Variants in CLINT1 observed in about 807,000 individuals in gnomAD.
CLINT1 encodes clathrin interactor 1, also known as clathrin interacting protein localized in the trans-Golgi region.
CLINT1 carries 15 observed loss-of-function variants against 70.4 expected under a neutral mutation model. The ratio of observed to expected loss-of-function variants is 0.21; its 90% CI spans 0.14 to 0.33. The LOEUF (loss-of-function observed/expected upper bound fraction) is 0.33, where lower values mean the gene tolerates loss of function less well. CLINT1 is among the 10% of genes least tolerant of loss of function. The pLI is 1.00. For synonymous variants in CLINT1, 227 were observed against 254.7 expected (o/e 0.89, Z 1.04); for missense variants, 615 against 778.1 (o/e 0.79, Z 2.49).
chr5:157,789,676 T>G (rs909440253), intron 10 of CLINT1, 163 bp from the exon 11 acceptor site: 185 of 869,582 alleles, frequency 2.1e-4, no homozygotes, highest in Non-Finnish European at 1.1e-4. Flanking sequence ...ACCACTAATG[T>G]TCTATGCTAA....
chr5:157,814,232 C>A lies in CLINT1; in HGVS notation c.305G>T (p.Arg102Ile). 1 of 1,611,022 alleles carries A rather than the reference C, an allele frequency of 6.2e-7. No individual in the cohort carries two copies. Among genetic ancestry groups the A allele is most frequent in the Non-Finnish European group, 8.5e-7 (1 of 1,178,708 alleles). ...GGATCGTAAATCATAAATGTGTTCT[C>A]TGGCACTTGTAACAACACGCTCTGA... ...NGSERVVTSA[R>I]EHIYDLRSLE... The change falls in exon 4 of 12, where the codon AGA (arginine) becomes ATA (isoleucine). Residue 102 changes from arginine to isoleucine, a missense_variant. Coordinates refer to ENST00000411809, the MANE Select transcript of CLINT1 (RefSeq NM_014666.4).
chr5:157,788,405 A>G (rs900943063), intron 11 of CLINT1, among the ~76,000 whole-genome samples: 2 of 152,340 alleles, frequency 1.3e-5, no homozygotes, highest in East Asian at 3.9e-4. Flanking sequence ...AAAATCTTTA[A>G]AAAGTTTATA....
intron 1 of CLINT1, among the ~76,000 whole-genome samples, chr5:157,824,761 C>T (rs148992400): frequency 1.3e-5 from 2 of 152,230 alleles, no homozygotes; most frequent in East Asian, 3.9e-4. Context: ...CTCCAAATCC[C>T]ACAACTAGTA....
chr5:157,805,765 T>C lies in CLINT1; in HGVS notation c.942+101A>G, dbSNP rs1462573478. ...TACATGCCAGATGATCCATAATTAA[T>C]ATGATTGCCTAGAAATGCCCAAGCC... On this transcript the variant is annotated intron_variant, in intron 7 of 11. Coordinates refer to ENST00000411809, the MANE Select transcript of CLINT1 (RefSeq NM_014666.4). 7.2e-6 allele frequency: 10 copies of C among 1,390,148 alleles called. No homozygotes were observed. In the East Asian group the frequency reaches 2.4e-4, roughly 33 times the overall value. The allele number at this position is 1,390,148 out of a possible 1,614,324, so 86.1% of individuals were successfully genotyped here. A position where few individuals can be genotyped will look rare whatever the true frequency, so the allele number is the denominator to read the frequency against.
chr5:157,817,925 T>C (rs1762769897), intron 1 of CLINT1, among the ~76,000 whole-genome samples: 2 of 152,244 alleles, frequency 1.3e-5, no homozygotes, highest in African/African-American at 4.8e-5. Context: ...CAATGCAGGC[T>C]TATGTTTCCT....
intron 8 of CLINT1, among the ~76,000 whole-genome samples, chr5:157,798,605 G>T (rs886237727): frequency 1.3e-5 from 2 of 151,876 alleles, no homozygotes; most frequent in East Asian, 1.9e-4. Flanking sequence ...ACATGACAAA[G>T]AATTATTATC....
At chr5:157,789,601 A>T in intron 10 of CLINT1, 88 bp from the exon 11 acceptor site, 4 of 1,564,298 alleles carry the variant, frequency 2.6e-6, no homozygotes, top group Non-Finnish European at 3.5e-6. Context: ...AAAATTAAGC[A>T]TCTGTTCTAT....
At position 157,829,303 on chromosome 5, in the gene CLINT1, GTTTC is replaced by G. The variant is rs1172333358; in HGVS notation, c.42-11760_42-11757del. On this transcript the variant is annotated intron_variant, in intron 1 of 11. Coordinates refer to ENST00000411809, the MANE Select transcript of CLINT1 (RefSeq NM_014666.4). ...ATTTCCAGCTGATTTCTCTTATTAT[GTTTC>G]TTTAAAACTTCCAAGATTTTCATTT... 9.2e-5 allele frequency among the ~76,000 whole-genome samples: 14 copies of G among 152,186 alleles called. No homozygotes were observed. The East Asian group carries it at 2.3e-3, about 25-fold the overall frequency.
intron 1 of CLINT1, among the ~76,000 whole-genome samples, chr5:157,818,635 C>A (rs1762792164): frequency 6.6e-6 from 1 of 151,938 alleles, no homozygotes; most frequent in South Asian, 2.1e-4. Flanking sequence ...GGCAATACAG[C>A]AAGACCCTGT....
intron 6 of CLINT1, 90 bp from the exon 7 acceptor site, chr5:157,806,202 C>G: frequency 7.6e-7 from 1 of 1,310,850 alleles, no homozygotes; most frequent in Non-Finnish European, 1.0e-6. Flanking sequence ...ATTTCAAATA[C>G]AGTAACTCCA....
chr5:157,808,141 A>G (rs1336108908), intron 6 of CLINT1, among the ~76,000 whole-genome samples: 1 of 152,128 alleles, frequency 6.6e-6, no homozygotes, highest in Non-Finnish European at 1.5e-5. Context: ...CTTCAAATAT[A>G]CAGAGCTGTT....
intron 1 of CLINT1, among the ~76,000 whole-genome samples, chr5:157,845,709 G>A (rs1307044974): frequency 1.3e-5 from 2 of 151,794 alleles, no homozygotes; most frequent in African/African-American, 4.8e-5. Context: ...CTGCCACCAC[G>A]CCCGGCTAAT....
At chr5:157,856,520 T>C (rs1753764994) in intron 1 of CLINT1, among the ~76,000 whole-genome samples, 1 of 152,260 alleles carries the variant, frequency 6.6e-6, no homozygotes. Flanking sequence ...AGTTCCTTCA[T>C]CATTTTATAC....
At chr5:157,824,925 A>T (rs1214024615) in intron 1 of CLINT1, among the ~76,000 whole-genome samples, 2 of 152,218 alleles carry the variant, frequency 1.3e-5, no homozygotes, top group African/African-American at 4.8e-5. Flanking sequence ...TGCCAAATAA[A>T]TATTTAAAAA....
chr5:157,824,138 CTTTT>C (rs1284033157), intron 1 of CLINT1, among the ~76,000 whole-genome samples: 1 of 152,156 alleles, frequency 6.6e-6, no homozygotes, highest in Non-Finnish European at 1.5e-5. Flanking sequence ...TTTGGTCTTT[CTTTT>C]TATGTTTCCA....
At chr5:157,820,331 C>G (rs1184123593) in intron 1 of CLINT1, among the ~76,000 whole-genome samples, 1 of 152,114 alleles carries the variant, frequency 6.6e-6, no homozygotes, top group Non-Finnish European at 1.5e-5. Flanking sequence ...TACCTGTGGT[C>G]CCAGCTTCTC....
chr5:157,794,306 G>A (rs1181269867), intron 9 of CLINT1, among the ~76,000 whole-genome samples: 1 of 151,812 alleles, frequency 6.6e-6, no homozygotes, highest in Non-Finnish European at 1.5e-5. Context: ...AAAAAAATAG[G>A]CCTTTCACCT....
At chr5:157,817,691 G>C in intron 1 of CLINT1, 144 bp from the exon 2 acceptor site, 1 of 569,922 alleles carries the variant, frequency 1.8e-6, no homozygotes, top group African/African-American at 1.9e-5. Flanking sequence ...TTGTGCACAA[G>C]CTACCCCAAG....
chr5:157,803,894 T>C (rs979542176), intron 7 of CLINT1, among the ~76,000 whole-genome samples, 175 bp from the exon 8 acceptor site: 4 of 152,138 alleles, frequency 2.6e-5, no homozygotes, highest in Non-Finnish European at 5.9e-5. Flanking sequence ...AGCAAGCACT[T>C]TTAAGTACCT....
Sources: gnomAD v4.1 joint callset for allele counts (sites outside exome capture counted in the v4.1 genomes callset) on GRCh38, gnomAD v4.1.1 for gene constraint, MANE v1.5 for transcripts, NCBI Gene and HGNC (gene_info 2026-07-23, HGNC 2026-07-21) for gene names.